The following SLC4A10 variants were observed in gnomAD, a reference collection of about 807,000 sequenced individuals.
The protein encoded by SLC4A10 is solute carrier family 4 member 10, also known as sodium-driven chloride bicarbonate exchanger.
A neutral mutation model predicts 137.7 loss-of-function variants in SLC4A10; 42 were observed. The observed-to-expected ratio is 0.30, with a 90% CI of 0.24 to 0.39. The LOEUF is 0.39. Among genes scored for constraint, SLC4A10 ranks in the 10% least tolerant of loss-of-function variants. The probability of loss-of-function intolerance (pLI) is 1.00; values close to 1 mark genes in which losing one functional copy is unlikely to be tolerated. For synonymous variants in SLC4A10, 474 were observed against 464.1 expected (o/e 1.02, Z -0.27); for missense variants, 925 against 1,355.0 (o/e 0.68, Z 4.98).
At chr2:161,874,137 A>T in intron 8 of SLC4A10, 132 bp downstream of exon 8, 1 of 913,990 alleles carries the variant, frequency 1.1e-6, no homozygotes, top group Non-Finnish European at 1.6e-6. Context: ...TTTTTAAAGC[A>T]TTGCATCTTC....
intron 1 of SLC4A10, among the ~76,000 whole-genome samples, chr2:161,684,518 T>A (rs1325645015): frequency 6.6e-6 from 1 of 152,118 alleles, no homozygotes; most frequent in Non-Finnish European, 1.5e-5. Flanking sequence ...GAGCAAGGAC[T>A]TGAGAGAAGA....
intron 12 of SLC4A10, among the ~76,000 whole-genome samples, chr2:161,903,425 C>T (rs1021705112): frequency 4.6e-5 from 7 of 152,064 alleles, no homozygotes; most frequent in African/African-American, 7.2e-5. Flanking sequence ...TGCTGCCATC[C>T]AAAAGGACAT....
intron 15 of SLC4A10, among the ~76,000 whole-genome samples, chr2:161,936,827 T>C (rs1432355561): frequency 6.6e-6 from 1 of 152,158 alleles, no homozygotes; most frequent in Non-Finnish European, 1.5e-5. Flanking sequence ...CTACTTTGTA[T>C]TTCACTTATT....
At chr2:161,864,785 A>G (rs1202337701) in intron 6 of SLC4A10, among the ~76,000 whole-genome samples, 1 of 152,170 alleles carries the variant, frequency 6.6e-6, no homozygotes, top group Non-Finnish European at 1.5e-5. Flanking sequence ...AATATGTGAT[A>G]CATAAGATAA....
intron 1 of SLC4A10, among the ~76,000 whole-genome samples, chr2:161,757,209 G>T (rs765528860): frequency 1.3e-5 from 2 of 152,046 alleles, no homozygotes; most frequent in African/African-American, 4.8e-5. Flanking sequence ...TCAGCAACAC[G>T]CAGTATTCCC....
At chr2:161,726,962 A>AT (rs2046302399) in intron 1 of SLC4A10, among the ~76,000 whole-genome samples, 1 of 152,234 alleles carries the variant, frequency 6.6e-6, no homozygotes. Context: ...AGAGTATTGG[A>AT]TTAAAAGTTA....
intron 15 of SLC4A10, among the ~76,000 whole-genome samples, chr2:161,927,176 C>T (rs1470392421): frequency 6.6e-6 from 1 of 152,192 alleles, no homozygotes. Context: ...TTCCATTCTC[C>T]CGGTCACTTT....
chr2:161,827,800 C>T (rs776504409), intron 3 of SLC4A10, among the ~76,000 whole-genome samples: 89 of 152,252 alleles, frequency 5.8e-4, no homozygotes, highest in Non-Finnish European at 9.7e-4. Context: ...CTCCTGACCT[C>T]GTGATCCGCC....
intron 5 of SLC4A10, among the ~76,000 whole-genome samples, chr2:161,859,600 T>C (rs1400837571): frequency 2.9e-4 from 34 of 118,860 alleles, no homozygotes; most frequent in Middle Eastern, 3.9e-3. Context: ...TTTTCTTTTT[T>C]TTTTTTTTTT....
At chr2:161,729,705 TA>T (rs35806310) in intron 1 of SLC4A10, among the ~76,000 whole-genome samples, 2 of 152,114 alleles carry the variant, frequency 1.3e-5, no homozygotes, top group Non-Finnish European at 2.9e-5. Flanking sequence ...GGTCCTACGT[TA>T]AAAAAAGTTA....
rs572434462 is a variant in SLC4A10 at position 161,839,207 on chromosome 2, C to T, written c.278-582C>T. 8.5e-5 allele frequency among the ~76,000 whole-genome samples: 13 copies of T among 152,272 alleles called. No individual in the cohort carries two copies. The South Asian group carries it at 2.5e-3, about 29-fold the overall frequency. ...AAAGGCATTTGCTAAGTGAATAAAG[C>T]CAGTCTCAAAAGGTTATATGCTGCG... On this transcript the variant is annotated intron_variant, in intron 3 of 26. Transcript: ENST00000446997.
chr2:161,955,522 G>A (rs906758125), intron 19 of SLC4A10, among the ~76,000 whole-genome samples: 1 of 152,128 alleles, frequency 6.6e-6, no homozygotes, highest in Admixed American at 6.6e-5. Context: ...GGGTACCATT[G>A]CTTTGGTGTC....
At chr2:161,760,167 T>C (rs1016773682) in intron 1 of SLC4A10, among the ~76,000 whole-genome samples, 2 of 152,004 alleles carry the variant, frequency 1.3e-5, no homozygotes, top group Non-Finnish European at 2.9e-5. Flanking sequence ...TCCTTCACTA[T>C]CCATTCTTAC....
intron 3 of SLC4A10, among the ~76,000 whole-genome samples, chr2:161,815,559 T>C (rs2056977299): frequency 6.6e-6 from 1 of 152,136 alleles, no homozygotes; most frequent in South Asian, 2.1e-4. Flanking sequence ...GTAACGTATA[T>C]GAATCTTAAA....
intron 15 of SLC4A10, among the ~76,000 whole-genome samples, chr2:161,920,836 C>T (rs916029188): frequency 1.3e-5 from 2 of 152,240 alleles, no homozygotes; most frequent in Admixed American, 6.5e-5. Context: ...CATTCACTCA[C>T]TTAGCTCATT....
chr2:161,810,107 G>A (rs2056392573), intron 3 of SLC4A10, among the ~76,000 whole-genome samples: 1 of 151,746 alleles, frequency 6.6e-6, no homozygotes, highest in African/African-American at 2.4e-5. Flanking sequence ...TTGGTTAGAT[G>A]TATTACATTT....
At chr2:161,936,553 G>T (rs1691620493) in intron 15 of SLC4A10, among the ~76,000 whole-genome samples, 1 of 151,860 alleles carries the variant, frequency 6.6e-6, no homozygotes. Context: ...TTTTTTCTAG[G>T]TTATTCAATA....
chr2:161,737,854 C>A (rs572531001), intron 1 of SLC4A10, among the ~76,000 whole-genome samples: 2 of 152,008 alleles, frequency 1.3e-5, no homozygotes, highest in Non-Finnish European at 2.9e-5. Context: ...TTTTCCCCAC[C>A]TAAACATGCA....
intron 1 of SLC4A10, among the ~76,000 whole-genome samples, chr2:161,697,483 C>T (rs868228021): frequency 6.6e-6 from 1 of 151,658 alleles, no homozygotes; most frequent in Non-Finnish European, 1.5e-5. Flanking sequence ...AATTTTTGTA[C>T]AAGGTGTAAG....
Sources: gnomAD v4.1 joint callset for allele counts (sites outside exome capture counted in the v4.1 genomes callset) on GRCh38, gnomAD v4.1.1 for gene constraint, MANE v1.5 for transcripts, NCBI Gene and HGNC (gene_info 2026-07-23, HGNC 2026-07-21) for gene names.